PTCHD4: variants seen among roughly 807,000 people sequenced by gnomAD.
The protein encoded by PTCHD4 is patched domain-containing protein 4.
In PTCHD4, 33 loss-of-function variants were observed where a neutral mutation model predicts 58.1. The ratio of observed to expected loss-of-function variants is 0.57; its 90% CI spans 0.43 to 0.76. PTCHD4 has a LOEUF of 0.76. PTCHD4 is among the 30% of genes least tolerant of loss of function. The pLI is 0.00. For synonymous variants in PTCHD4, 478 were observed against 409.6 expected (o/e 1.17, Z -2.02); for missense variants, 1,058 against 1,027.1 (o/e 1.03, Z -0.41).
intron 1 of PTCHD4, among the ~76,000 whole-genome samples, chr6:48,098,342 CTTTTT>C (rs776103767): frequency 3.6e-5 from 5 of 140,240 alleles, no homozygotes; most frequent in African/African-American, 1.3e-4. Context: ...TCTTCTTCTT[CTTTTT>C]TTTTTTTTTG....
intron 4 of PTCHD4, among the ~76,000 whole-genome samples, chr6:48,000,236 C>T (rs2114059035): frequency 6.6e-6 from 1 of 152,254 alleles, no homozygotes; most frequent in African/African-American, 2.4e-5. Context: ...GTTATGTTAA[C>T]ATGATCAAGG....
chr6:48,038,894 C>T (rs1056633048), intron 3 of PTCHD4, among the ~76,000 whole-genome samples: 15 of 152,128 alleles, frequency 9.9e-5, no homozygotes, highest in African/African-American at 3.6e-4. Context: ...GTCAAGACAA[C>T]ATCTGAAAAG....
intron 4 of PTCHD4, among the ~76,000 whole-genome samples, chr6:47,956,301 A>G (rs1257819184): frequency 6.6e-6 from 1 of 152,226 alleles, no homozygotes; most frequent in Non-Finnish European, 1.5e-5. Flanking sequence ...AATATTTTTC[A>G]TTAGATTTTC....
Position 48,017,350 on chromosome 6 carries a change from T to C in PTCHD4, c.418-8236A>G, listed in dbSNP as rs140545487. On this transcript the variant is annotated intron_variant, in intron 3 of 4. Coordinates refer to ENST00000339488, the MANE Select transcript of PTCHD4 (RefSeq NM_001384253.1). Reference sequence around the variant, plus strand: ...TTCTCAAAATGAAGACTTTAAAGCATTAACATGCCCTAAATAAGTAATAAA... The same window carrying C: ...TTCTCAAAATGAAGACTTTAAAGCACTAACATGCCCTAAATAAGTAATAAA... Among the ~76,000 whole-genome samples the C allele has an allele frequency of 2.2e-3, 331 of 152,242 alleles. 1 individual carries two copies. Among genetic ancestry groups the C allele is most frequent in the Non-Finnish European group, 2.1e-3 (144 of 67,988 alleles).
At position 48,103,622 on chromosome 6, in the gene PTCHD4, G is replaced by C. The variant is rs191053228; in HGVS notation, c.-970+7427C>G. On this transcript the variant is annotated intron_variant, in intron 1 of 4. Coordinates refer to ENST00000339488, the MANE Select transcript of PTCHD4 (RefSeq NM_001384253.1). ...GGAGAATGACTTTGACGAGTTGAGA[G>C]AGGAAGGCTTCAGAAGATCAAACTA... Among the ~76,000 whole-genome samples, 6 of 152,310 alleles carry C rather than the reference G, an allele frequency of 3.9e-5. No individual in the cohort carries two copies. In the East Asian group the frequency reaches 1.2e-3, roughly 29 times the overall value.
chr6:47,953,769 A>T (rs530692433), intron 4 of PTCHD4, among the ~76,000 whole-genome samples: 74 of 152,316 alleles, frequency 4.9e-4, no homozygotes, highest in Middle Eastern at 3.4e-3. Flanking sequence ...TGACTGCTTA[A>T]ATGATGACAT....
At chr6:47,998,512 T>C (rs1246190778) in intron 4 of PTCHD4, among the ~76,000 whole-genome samples, 1 of 152,236 alleles carries the variant, frequency 6.6e-6, no homozygotes, top group African/African-American at 2.4e-5. Flanking sequence ...GTAACAGTAC[T>C]CTTTCTCATT....
In PTCHD4 at chr6:47,878,738, T is replaced by C. The variant is rs768974049; in HGVS notation, c.2097A>G (p.Leu699=). The part of the protein sequence containing the change: ...VTSIELGVLG[L]MTLWNVDMDC... The stretch of plus-strand genomic sequence containing the variant: ...CCATGTCGACGTTCCATAATGTCAT[T>C]AAGCCCAGAACGCCCAGCTCAATTG... The change falls in exon 5 of 5, where the codon TTA becomes TTG. Residue 699 remains leucine, a synonymous_variant. Coordinates refer to ENST00000339488, the MANE Select transcript of PTCHD4 (RefSeq NM_001384253.1). The C allele has an allele frequency of 1.2e-6, 2 of 1,613,602 alleles. No homozygotes were observed. The highest frequency in any genetic ancestry group is 2.2e-5 in the South Asian group (2 of 91,076).
chr6:47,879,601 G>A lies in PTCHD4; in HGVS notation c.1234C>T (p.Leu412=), dbSNP rs761338501. 4.6e-5 allele frequency: 74 copies of A among 1,613,600 alleles called. No individual in the cohort carries two copies. Among genetic ancestry groups the A allele is most frequent in the Non-Finnish European group, 6.0e-5 (71 of 1,179,788 alleles). The change falls in exon 5 of 5, where the codon CTG becomes TTG. Residue 412 remains leucine (L), a synonymous_variant. Coordinates refer to ENST00000339488, the MANE Select transcript of PTCHD4 (RefSeq NM_001384253.1). ...FCCKIPSAEY[L]DRKPVWFQTV... ...TGGAACCACACAGGTTTGCGATCCAGGTATTCTGCAGAAGGGATCTTACAG... is the reference window on the plus strand; with the variant it reads ...TGGAACCACACAGGTTTGCGATCCAAGTATTCTGCAGAAGGGATCTTACAG...
At position 48,006,756 on chromosome 6, in the gene PTCHD4, CTGTTT is replaced by C. The variant is rs1184554917; in HGVS notation, c.898+1873_898+1877del. ...AGGCTCAATTTCCTAAAGCCAAGGG[CTGTTT>C]TCTATTCATTAGTGAATCCATTGCA... On this transcript the variant is annotated intron_variant, in intron 4 of 4. Transcript: ENST00000339488. Among the ~76,000 whole-genome samples, 12 of 152,172 alleles carry C rather than the reference CTGTTT, an allele frequency of 7.9e-5. 1 individual carries two copies. The South Asian group carries it at 8.3e-4, about 11-fold the overall frequency.
At chr6:47,928,027 A>T (rs940485053) in intron 4 of PTCHD4, among the ~76,000 whole-genome samples, 2 of 152,166 alleles carry the variant, frequency 1.3e-5, no homozygotes, top group African/African-American at 4.8e-5. Flanking sequence ...ATTTTAAATC[A>T]CATAAAATAC....
intron 4 of PTCHD4, among the ~76,000 whole-genome samples, chr6:47,974,030 G>C (rs890144700): frequency 6.6e-6 from 1 of 152,172 alleles, no homozygotes; most frequent in African/African-American, 2.4e-5. Flanking sequence ...AGTAGGTGAC[G>C]ACGGGCAATA....
intron 4 of PTCHD4, among the ~76,000 whole-genome samples, chr6:47,898,900 T>C (rs1218475150): frequency 6.6e-6 from 1 of 152,122 alleles, no homozygotes; most frequent in Admixed American, 6.5e-5. Flanking sequence ...TTGGGGACAT[T>C]AGGTGTCAGA....
chr6:48,061,286 G>T (rs1276897085), intron 3 of PTCHD4, among the ~76,000 whole-genome samples: 1 of 152,140 alleles, frequency 6.6e-6, no homozygotes. Flanking sequence ...TCAGCTTAAA[G>T]CTTAAACAGG....
chr6:47,987,591 G>A (rs1230416873), intron 4 of PTCHD4, among the ~76,000 whole-genome samples: 2 of 152,046 alleles, frequency 1.3e-5, no homozygotes, highest in Non-Finnish European at 1.5e-5. Flanking sequence ...ATTTCTGAAT[G>A]TGCTAATTCC....
At chr6:48,075,873 G>A (rs933316058) in intron 1 of PTCHD4, among the ~76,000 whole-genome samples, 1 of 152,224 alleles carries the variant, frequency 6.6e-6, no homozygotes, top group Non-Finnish European at 1.5e-5. Context: ...GGTGATGGTT[G>A]CTGAAGGTTA....
rs1462117577 is a variant in PTCHD4 at position 47,877,063 on chromosome 6, T to C, written c.*1240A>G. ...ATAGTGATCATGGCCTGGGTTATGT[T>C]CCAAATACTAATGCAAGGAATACAC... On this transcript the variant is annotated 3_prime_UTR_variant, in exon 5 of 5. Transcript: ENST00000339488. Among the ~76,000 whole-genome samples the C allele has an allele frequency of 1.3e-5, 2 of 151,982 alleles. No individual in the cohort carries two copies. The highest frequency in any genetic ancestry group is 2.4e-5 in the African/African-American group (1 of 41,406).
At chr6:47,924,600 A>G (rs1765536733) in intron 4 of PTCHD4, among the ~76,000 whole-genome samples, 1 of 152,164 alleles carries the variant, frequency 6.6e-6, no homozygotes, top group African/African-American at 2.4e-5. Context: ...GACATGAGGT[A>G]TGTGATGCAC....
intron 4 of PTCHD4, among the ~76,000 whole-genome samples, chr6:47,958,785 G>C (rs899000750): frequency 2.0e-5 from 3 of 152,098 alleles, no homozygotes; most frequent in African/African-American, 7.2e-5. Flanking sequence ...GTTCAAACAG[G>C]GCATGGAATA....
Sources: gnomAD v4.1 joint callset for allele counts (sites outside exome capture counted in the v4.1 genomes callset) on GRCh38, gnomAD v4.1.1 for gene constraint, MANE v1.5 for transcripts, NCBI Gene and HGNC (gene_info 2026-07-23, HGNC 2026-07-21) for gene names.